The following EYA1 variants were observed in gnomAD, a reference collection of about 807,000 sequenced individuals.
EYA1 encodes EYA transcriptional coactivator and phosphatase 1, also known as protein phosphatase EYA1.
Under a neutral mutation model 82.0 loss-of-function variants are expected in EYA1, and 16 were observed. The ratio of observed to expected loss-of-function variants is 0.20; its 90% confidence interval spans 0.13 to 0.30. The LOEUF is 0.30. Among genes scored for constraint, EYA1 ranks in the 10% least tolerant of loss-of-function variants. The probability of loss-of-function intolerance (pLI) is 1.00; values close to 1 mark genes in which losing one functional copy is unlikely to be tolerated. For synonymous variants in EYA1, 261 were observed against 264.4 expected (o/e 0.99, Z 0.12); for missense variants, 633 against 730.7 (o/e 0.87, Z 1.54).
At chr8:71,228,100 A>G (rs959272759) in intron 12 of EYA1, among the ~76,000 whole-genome samples, 4 of 152,194 alleles carry the variant, frequency 2.6e-5, no homozygotes, top group Non-Finnish European at 4.4e-5. Flanking sequence ...AGAACCGGAC[A>G]TAGGCACTTT....
intron 2 of EYA1, among the ~76,000 whole-genome samples, chr8:71,524,236 A>G (rs532595946): frequency 6.6e-6 from 1 of 152,328 alleles, no homozygotes; most frequent in East Asian, 1.9e-4. Flanking sequence ...CTCCCAATTT[A>G]CCAGATGAGG....
At chr8:71,385,919 T>C (rs1168299106) in intron 2 of EYA1, among the ~76,000 whole-genome samples, 1 of 152,150 alleles carries the variant, frequency 6.6e-6, no homozygotes, top group Non-Finnish European at 1.5e-5. Flanking sequence ...TGGTTCTCAT[T>C]AGCACTAATA....
At chr8:71,233,532 C>G (rs1209370556) in intron 12 of EYA1, among the ~76,000 whole-genome samples, 1 of 149,470 alleles carries the variant, frequency 6.7e-6, no homozygotes, top group Non-Finnish European at 1.5e-5. Flanking sequence ...CCACTGCACT[C>G]CATCCTGGGC....
chr8:71,324,466 C>T (rs1822929881), intron 4 of EYA1, among the ~76,000 whole-genome samples: 1 of 152,180 alleles, frequency 6.6e-6, no homozygotes, highest in Non-Finnish European at 1.5e-5. Flanking sequence ...GGCAGTAATA[C>T]TACCTACACC....
Position 71,211,187 on chromosome 8 carries a change from T to G in EYA1, c.1667A>C (p.Asp556Ala). 2 of 1,613,344 alleles carry G rather than the reference T, an allele frequency of 1.2e-6. No individual in the cohort carries two copies. The highest frequency in any genetic ancestry group is 1.7e-6 in the Non-Finnish European group (2 of 1,179,328). ...TGCTCCTTGTTCTTCTTCTACACCATCTCCTATAACAACATACACCACTTT... is the reference window on the plus strand; with the variant it reads ...TGCTCCTTGTTCTTCTTCTACACCAGCTCCTATAACAACATACACCACTTT... ...GRKVVYVVIG[D>A]GVEEEQGAKK... Residue 556 changes from aspartate (D) to alanine (A), a missense_variant, in exon 17 of 18, where the codon GAT becomes GCT. Asp to Ala is a moderately radical substitution (Grantham distance 126, BLOSUM62 -2). Coordinates refer to ENST00000340726, the MANE Select transcript of EYA1 (RefSeq NM_000503.6).
chr8:71,327,661 C>T (rs1021383929), intron 4 of EYA1, among the ~76,000 whole-genome samples: 8 of 152,098 alleles, frequency 5.3e-5, no homozygotes, highest in Non-Finnish European at 1.5e-5. Context: ...CTCCCCACGC[C>T]AAGATCCCTG....
At chr8:71,204,301 G>C (rs1585745878) in intron 17 of EYA1, 1 of 152,076 alleles carries the variant, frequency 6.6e-6, no homozygotes, top group South Asian at 2.1e-4. Context: ...TATACTTTTA[G>C]ACTACATATA....
chr8:71,224,934 G>T (rs1585862545), intron 12 of EYA1, among the ~76,000 whole-genome samples: 1 of 152,222 alleles, frequency 6.6e-6, no homozygotes, highest in Admixed American at 6.5e-5. Flanking sequence ...TCTACAGAGG[G>T]AGAGGAGTAG....
intron 3 of EYA1, among the ~76,000 whole-genome samples, chr8:71,350,463 A>T (rs1826191042): frequency 6.6e-6 from 1 of 152,212 alleles, no homozygotes; most frequent in African/African-American, 2.4e-5. Context: ...AGTAAATTTT[A>T]AATGCAGAAA....
intron 11 of EYA1, among the ~76,000 whole-genome samples, chr8:71,251,231 T>C (rs1813707067): frequency 6.6e-6 from 1 of 152,354 alleles, no homozygotes; most frequent in African/African-American, 2.4e-5. Context: ...TTTACTTCTC[T>C]GGTAGAAATT....
chr8:71,396,180 CT>C (rs1446307804), intron 2 of EYA1, among the ~76,000 whole-genome samples: 1 of 152,084 alleles, frequency 6.6e-6, no homozygotes, highest in East Asian at 1.9e-4. Flanking sequence ...ATTCTTCTCT[CT>C]TTTCTTCTTT....
intron 11 of EYA1, among the ~76,000 whole-genome samples, chr8:71,250,187 C>T (rs184747558): frequency 9.9e-5 from 15 of 152,248 alleles, no homozygotes; most frequent in Admixed American, 6.5e-4. Flanking sequence ...ACAAAAGACC[C>T]GTATATGTCT....
At position 71,299,645 on chromosome 8, in the gene EYA1, G is replaced by T; in HGVS notation, c.632C>A (p.Ser211Ter). 1 of 1,563,664 alleles carries T rather than the reference G, an allele frequency of 6.4e-7. No homozygotes were observed. The highest frequency in any genetic ancestry group is 8.8e-7 in the Non-Finnish European group (1 of 1,135,030). Residue 211 changes from serine to a stop codon, truncating the protein, a stop_gained, in exon 8 of 18, where the codon TCA (serine) becomes TAA (stop). Coordinates refer to ENST00000340726, the MANE Select transcript of EYA1 (RefSeq NM_000503.6). LOFTEE classifies it high-confidence loss of function. ...SLTNSSGFNS[S>*]QQDYPSYPSF... ...ACTGGCTTTTTAAATTACCTGCTGT[G>T]AACTATTAAATCCAGAGGAATTTGT... is the stretch of plus-strand genomic sequence containing the variant.
At chr8:71,209,454 A>G (rs1808237474) in intron 17 of EYA1, among the ~76,000 whole-genome samples, 1 of 152,188 alleles carries the variant, frequency 6.6e-6, no homozygotes, top group South Asian at 2.1e-4. Context: ...ACCAGCACCA[A>G]CCAGACTCAC....
Position 71,410,090 on chromosome 8 carries a change from A to G in EYA1, c.34-53579T>C, listed in dbSNP as rs570546107. Among the ~76,000 whole-genome samples the G allele has an allele frequency of 7.2e-5, 11 of 152,236 alleles. No homozygotes were observed. The South Asian group carries it at 2.3e-3, about 32-fold the overall frequency. On this transcript the variant is annotated intron_variant, in intron 2 of 18. Coordinates refer to the EYA1 transcript ENST00000643681. ...TGGTTCAATATACGCAAATCAATAA[A>G]TGTAATCCAGCATATAAACAGAGCC...
intron 12 of EYA1, among the ~76,000 whole-genome samples, chr8:71,220,825 T>C (rs958027794): frequency 7.2e-5 from 11 of 152,190 alleles, no homozygotes; most frequent in African/African-American, 2.4e-4. Context: ...AGGAGAACAC[T>C]GGTGTAAGGA....
At position 71,271,750 on chromosome 8, in the gene EYA1, T is replaced by C. The variant is rs190039495; in HGVS notation, c.966+8A>G. The C allele has an allele frequency of 2.1e-5, 34 of 1,614,258 alleles. No individual in the cohort carries two copies. In the Admixed American group the frequency reaches 3.0e-4, roughly 14 times the overall value. The stretch of plus-strand genomic sequence containing the variant: ...TTTCTATTCACTTGGGTGTTGGCTA[T>C]GACGTACCTCAAGATCAGAATCTGG... On this transcript the variant is annotated splice_region_variant and intron_variant, in intron 10 of 17. Transcript: ENST00000340726.
chr8:71,199,522 C>A, intron 17 of EYA1, 102 bp from the exon 18 acceptor site: 1 of 739,898 alleles, frequency 1.4e-6, no homozygotes, highest in East Asian at 2.7e-5. Flanking sequence ...TTTTCAGTAT[C>A]ATTGAAATGC....
chr8:71,530,886 T>A (rs1408024667), intron 2 of EYA1: 1 of 152,194 alleles, frequency 6.6e-6, no homozygotes, highest in Non-Finnish European at 1.5e-5. Flanking sequence ...GAGAGTACAA[T>A]GGAGCCCTAA....
Sources: allele counts gnomAD v4.1 joint callset (sites outside exome capture counted in the v4.1 genomes callset), GRCh38; gene constraint gnomAD v4.1.1; transcripts MANE v1.5; gene names NCBI Gene and HGNC (gene_info 2026-07-23, HGNC 2026-07-21).